SLC36A1: variants seen among roughly 807,000 people sequenced by gnomAD.
SLC36A1 encodes the protein solute carrier family 36 member 1, also known as proton-coupled amino acid transporter 1.
In SLC36A1, 30 loss-of-function variants were observed where a neutral mutation model predicts 47.5. The observed-to-expected ratio is 0.63, with a 90% confidence interval of 0.47 to 0.86. SLC36A1 has a LOEUF of 0.86. Among genes scored for constraint, SLC36A1 ranks in the 40% least tolerant of loss-of-function variants. The pLI is 0.00. For missense variants in SLC36A1, 517 were observed against 606.0 expected, an observed-to-expected ratio of 0.85 and a Z score of 1.54; for synonymous variants, 255 against 249.7, an observed-to-expected ratio of 1.02 and a Z score of -0.20.
At chr5:151,410,976 T>G in the SLC36A1 span, among the ~76,000 whole-genome samples, 12 of 144,860 alleles carry the variant, frequency 8.3e-5, 2 homozygotes, top group South Asian at 2.3e-3. Flanking sequence ...TCATTTCCAA[T>G]TAAGAACCAC....
At chr5:151,542,610 G>C in the SLC36A1 span, 1 of 1,614,202 alleles carries the variant, frequency 6.2e-7, no homozygotes, top group East Asian at 2.2e-5. Flanking sequence ...TGCTACCAGG[G>C]TCTGCAGACA....
chr5:151,403,992 A>T, the SLC36A1 span, among the ~76,000 whole-genome samples: 2 of 152,086 alleles, frequency 1.3e-5, no homozygotes, highest in African/African-American at 4.8e-5. Flanking sequence ...TCCTTTGATG[A>T]TCTGTCTTAC....
At chr5:151,507,389 G>A in the SLC36A1 span, 1 of 1,614,196 alleles carries the variant, frequency 6.2e-7, no homozygotes, top group Non-Finnish European at 8.5e-7. Flanking sequence ...TGGCTTGGGT[G>A]TCAACACCAA....
chr5:151,541,020 G>GT, the SLC36A1 span, among the ~76,000 whole-genome samples: 1,975 of 152,342 alleles, frequency 0.013, 41 homozygotes, highest in African/African-American at 0.046. Flanking sequence ...TGAAGGCAGG[G>GT]TTTTTTGTTT....
the SLC36A1 span, chr5:151,507,599 C>G: frequency 6.3e-7 from 1 of 1,594,304 alleles, no homozygotes; most frequent in Non-Finnish European, 8.5e-7. Context: ...AACCCCTCGC[C>G]TCCATTTCAC....
chr5:151,542,836 T>C, the SLC36A1 span: 1 of 1,614,216 alleles, frequency 6.2e-7, no homozygotes, highest in East Asian at 2.2e-5. Context: ...CACATCAATC[T>C]GGTACAATTT....
intron 10 of SLC36A1, chr5:151,480,133 AT>A: frequency 7.8e-5 from 113 of 1,446,824 alleles, no homozygotes; most frequent in Middle Eastern, 2.5e-4. Flanking sequence ...ATAAAAGTAA[AT>A]TTTTTTTGTA....
intron 9 of SLC36A1, among the ~76,000 whole-genome samples, chr5:151,477,779 G>A (rs1758280163): frequency 6.6e-6 from 1 of 152,190 alleles, no homozygotes; most frequent in Admixed American, 6.5e-5. Context: ...AGAAGGAAGA[G>A]GCAGGTGGTA....
the SLC36A1 span, chr5:151,549,380 T>C: frequency 5.0e-6 from 8 of 1,614,078 alleles, no homozygotes; most frequent in Non-Finnish European, 5.9e-6. Flanking sequence ...TGCCGGGGGC[T>C]ATGGTGTCAG....
the SLC36A1 span, chr5:151,526,017 T>TCCTTTCGCA: frequency 6.4e-7 from 1 of 1,562,576 alleles, no homozygotes. Context: ...TCCCGGTCCT[T>TCCTTTCGCA]CCTTTCGCAC....
the SLC36A1 span, among the ~76,000 whole-genome samples, chr5:151,416,120 TAAC>T: frequency 6.6e-6 from 1 of 151,876 alleles, no homozygotes; most frequent in African/African-American, 2.4e-5. Context: ...TCTCAAAAAA[TAAC>T]AACAAAAAAG....
chr5:151,553,743 T>C, the SLC36A1 span, among the ~76,000 whole-genome samples: 1 of 152,364 alleles, frequency 6.6e-6, no homozygotes, highest in East Asian at 1.9e-4. Flanking sequence ...CTAGAATTTA[T>C]TGAGCACTCA....
chr5:151,540,756 G>T, the SLC36A1 span: 1 of 1,613,530 alleles, frequency 6.2e-7, no homozygotes, highest in South Asian at 1.1e-5. Flanking sequence ...GGCCCAGGGG[G>T]TCTCCCTCTA....
the SLC36A1 span, among the ~76,000 whole-genome samples, chr5:151,385,009 A>AGAGAGAGTGTGTGTGTGTGTGT: frequency 4.5e-3 from 578 of 128,368 alleles, 2 homozygotes; most frequent in Middle Eastern, 0.015. Context: ...AGAGAGAGAG[A>AGAGAGAGTGTGTGTGTGTGTGT]GTGTGTGTGT....
the SLC36A1 span, among the ~76,000 whole-genome samples, chr5:151,359,110 T>A: frequency 6.6e-6 from 1 of 151,976 alleles, no homozygotes; most frequent in Non-Finnish European, 1.5e-5. Flanking sequence ...TCATGTATGG[T>A]GAATTACTGA....
the SLC36A1 span, among the ~76,000 whole-genome samples, chr5:151,515,512 G>A: frequency 0.024 from 3,650 of 152,118 alleles, 67 homozygotes; most frequent in South Asian, 0.057. Context: ...TTACACATCC[G>A]AAACTGCACT....
chr5:151,367,361 A>ATTTTTTT, the SLC36A1 span, among the ~76,000 whole-genome samples: 675 of 118,858 alleles, frequency 5.7e-3, 24 homozygotes, highest in African/African-American at 0.021. Flanking sequence ...CCAGGAATGC[A>ATTTTTTT]TTTTTTTTTT....
the SLC36A1 span, among the ~76,000 whole-genome samples, chr5:151,518,955 A>C: frequency 6.6e-6 from 1 of 152,228 alleles, no homozygotes; most frequent in Non-Finnish European, 1.5e-5. Context: ...CAGCCTCTAG[A>C]TACCTAGCAA....
chr5:151,425,964 C>CTCTATCTG, the SLC36A1 span, among the ~76,000 whole-genome samples: 1 of 148,052 alleles, frequency 6.8e-6, no homozygotes, highest in East Asian at 2.0e-4. Context: ...CTCTCTCTCC[C>CTCTATCTG]TCTATCTATC....
Sources: allele counts gnomAD v4.1 joint callset (sites outside exome capture counted in the v4.1 genomes callset), GRCh38; gene constraint gnomAD v4.1.1; transcripts MANE v1.5; gene names NCBI Gene and HGNC (gene_info 2026-07-23, HGNC 2026-07-21).